TCN2: variants seen among roughly 807,000 people sequenced by gnomAD.
TCN2 encodes transcobalamin-2.
A neutral mutation model predicts 48.6 loss-of-function variants in TCN2; 34 were observed. The ratio of observed to expected loss-of-function variants is 0.70; its 90% CI spans 0.53 to 0.93. TCN2 has a LOEUF of 0.93. Among genes scored for constraint, TCN2 ranks in the 40% least tolerant of loss-of-function variants. The pLI is 0.00. For synonymous variants in TCN2, 283 were observed against 212.5 expected, an observed-to-expected ratio of 1.33 and a Z score of -2.89; for missense variants, 652 against 526.1, an observed-to-expected ratio of 1.24 and a Z score of -2.34.
chr22:30,623,925 T>TGTATACATATATACACACACACATAC, intron 8 of TCN2, among the ~76,000 whole-genome samples: 1 of 39,912 alleles, frequency 2.5e-5, no homozygotes, highest in Non-Finnish European at 4.5e-5. Context: ...CACATATATA[T>TGTATACATATATACACACACACATAC]GTATACATAT....
At chr22:30,614,321 G>T (rs752214308) in intron 3 of TCN2, 28 bp from the exon 4 acceptor site, 4 of 1,612,786 alleles carry the variant, frequency 2.5e-6, no homozygotes, top group Non-Finnish European at 3.4e-6. Flanking sequence ...GGGCAGAGAG[G>T]CAACCCCTCT....
intron 8 of TCN2, among the ~76,000 whole-genome samples, chr22:30,623,802 A>ATATATG (rs1555896214): frequency 8.9e-4 from 1 of 1,128 alleles, no homozygotes. Flanking sequence ...ATATACACAC[A>ATATATG]TACACATATA....
At chr22:30,615,824 A>T in intron 6 of TCN2, 37 bp downstream of exon 6, 1 of 1,611,964 alleles carries the variant, frequency 6.2e-7, no homozygotes, top group African/African-American at 1.3e-5. Flanking sequence ...GCCCTTTACA[A>T]TCTGCTGCGC....
At chr22:30,617,545 A>T (rs1417013803) in intron 7 of TCN2, 50 bp downstream of exon 7, 1 of 1,612,678 alleles carries the variant, frequency 6.2e-7, no homozygotes, top group Non-Finnish European at 8.5e-7. Context: ...CACATGCCTG[A>T]TAACAGGGTC....
chr22:30,619,360 G>A (rs1234792828), intron 7 of TCN2, among the ~76,000 whole-genome samples: 3 of 152,236 alleles, frequency 2.0e-5, no homozygotes, highest in Non-Finnish European at 2.9e-5. Flanking sequence ...GATAACAGGC[G>A]TGAGCCGCCG....
chr22:30,616,572 A>G (rs373808770), intron 6 of TCN2, among the ~76,000 whole-genome samples: 2 of 151,850 alleles, frequency 1.3e-5, no homozygotes, highest in African/African-American at 2.4e-5. Flanking sequence ...AAGCTGAGGC[A>G]GATGGATTGC....
chr22:30,617,518 C>A, intron 7 of TCN2, 23 bp downstream of exon 7: 1 of 1,613,928 alleles, frequency 6.2e-7, no homozygotes, highest in Non-Finnish European at 8.5e-7. Context: ...CCTCCCAGTC[C>A]TCACCCCACC....
chr22:30,622,781 C>T (rs1191246015), intron 7 of TCN2, among the ~76,000 whole-genome samples, 187 bp from the exon 8 acceptor site: 5 of 152,118 alleles, frequency 3.3e-5, no homozygotes, highest in Non-Finnish European at 5.9e-5. Context: ...CAGGCAGGAT[C>T]GGGGGTCTGG....
In TCN2 at chr22:30,626,875, C is replaced by G; in HGVS notation, c.*354C>G. ...GCAGGTGTTGTGAAGACCACTCGTT[C>G]TGTGGTTGGGGTCCTGCAAGAAGGC... On this transcript the variant is annotated 3_prime_UTR_variant, in exon 9 of 9. Transcript: ENST00000215838. 2 of 391,178 alleles carry G rather than the reference C, an allele frequency of 5.1e-6. No homozygotes were observed. The highest frequency in any genetic ancestry group is 9.7e-6 in the Non-Finnish European group (2 of 205,170). 24.2% of individuals were successfully genotyped at this position (391,178 alleles called of 1,614,324 possible).
chr22:30,623,857 C>CGTATAT (rs1602056787), intron 8 of TCN2, among the ~76,000 whole-genome samples: 1 of 24,072 alleles, frequency 4.2e-5, no homozygotes. Flanking sequence ...CATACACATA[C>CGTATAT]ATACACACAT....
At chr22:30,607,600 C>T (rs566003999) in intron 1 of TCN2, among the ~76,000 whole-genome samples, 2 of 152,308 alleles carry the variant, frequency 1.3e-5, no homozygotes, top group East Asian at 1.9e-4. Context: ...TTCAGTCATT[C>T]GTTCACACAT....
At chr22:30,607,828 G>A (rs2087475622) in intron 1 of TCN2, among the ~76,000 whole-genome samples, 1 of 152,024 alleles carries the variant, frequency 6.6e-6, no homozygotes, top group South Asian at 2.1e-4. Flanking sequence ...ACAGTTCAAG[G>A]TCAGCCTGGG....
chr22:30,610,989 C>T lies in TCN2; in HGVS notation c.183C>T (p.Ser61=). The T allele has an allele frequency of 2.5e-6, 4 of 1,614,210 alleles. No individual in the cohort carries two copies. Among genetic ancestry groups the T allele is most frequent in the Admixed American group, 1.7e-5 (1 of 60,026 alleles). Residue 61 remains serine (S), a synonymous_variant, in exon 2 of 9, where the codon TCC becomes TCT. Coordinates refer to ENST00000215838, the MANE Select transcript of TCN2 (RefSeq NM_000355.4). The stretch of plus-strand genomic sequence containing the variant: ...GCATCTATGTGGGCCTACGCCTCTC[C>T]AGTCTGCAGGCTGGGACCAAGGAAG... The part of the protein sequence containing the change: ...NPSIYVGLRL[S]SLQAGTKEDL...
chr22:30,615,297 C>T lies in TCN2; in HGVS notation c.581-4C>T, dbSNP rs867249218. The T allele has an allele frequency of 6.2e-7, 1 of 1,614,202 alleles. No individual in the cohort carries two copies. The highest frequency in any genetic ancestry group is 8.5e-7 in the Non-Finnish European group (1 of 1,180,026). On this transcript the variant is annotated splice_region_variant and splice_polypyrimidine_tract_variant and intron_variant, in intron 4 of 8. Coordinates refer to ENST00000215838, the MANE Select transcript of TCN2 (RefSeq NM_000355.4). ...TCATTGCATGTTCTGTCCCCCACTT[C>T]AAGACACAGCAGCCATGGCAGGCTT...
At chr22:30,625,622 C>G (rs546944995) in intron 8 of TCN2, among the ~76,000 whole-genome samples, 2 of 152,136 alleles carry the variant, frequency 1.3e-5, no homozygotes, top group Admixed American at 1.3e-4. Context: ...GGCACAAAGC[C>G]CAGCTAATTT....
chr22:30,615,420 C>A lies in TCN2; in HGVS notation c.700C>A (p.Gln234Lys). 6.2e-7 allele frequency: 1 copy of A among 1,614,168 alleles called. No individual in the cohort carries two copies. The highest frequency in any genetic ancestry group is 8.5e-7 in the Non-Finnish European group (1 of 1,180,044). The change falls in exon 5 of 9, where the codon CAG (glutamine) becomes AAG (lysine). Residue 234 changes from glutamine (Q) to lysine (K), a missense_variant. Coordinates refer to ENST00000215838, the MANE Select transcript of TCN2 (RefSeq NM_000355.4). ...RTVREEILKA[Q>K]TPEGHFGNVY... ...AGTGCGAGAGGAGATCTTGAAGGCC[C>A]AGACCCCCGAGGGCCACTTTGGGAA...
In TCN2 at chr22:30,623,975, T is replaced by TATACACACATAC. The variant is rs1569047037; in HGVS notation, c.1222+895_1222+896insCACACATACATA. Among the ~76,000 whole-genome samples, 111 of 15,594 alleles carry TATACACACATAC rather than the reference T, an allele frequency of 7.1e-3. 31 individuals carry two copies. Among genetic ancestry groups the TATACACACATAC allele is most frequent in the Non-Finnish European group, 0.012 (78 of 6,294 alleles). 10.2% of individuals were successfully genotyped at this position (15,594 alleles called of 152,430 possible). A position where few individuals can be genotyped will look rare whatever the true frequency, so the allele number is the denominator to read the frequency against. ...ATGTATACATATATACACACACATA[T>TATACACACATAC]ATATGTATACATATATACACACATA... is the stretch of plus-strand genomic sequence containing the variant. On this transcript the variant is annotated intron_variant, in intron 8 of 8. Coordinates refer to ENST00000215838, the MANE Select transcript of TCN2 (RefSeq NM_000355.4).
intron 1 of TCN2, chr22:30,610,127 T>G: frequency 2.2e-6 from 1 of 457,198 alleles, no homozygotes; most frequent in Non-Finnish European, 4.5e-6. Context: ...TTGAGTATTT[T>G]CGTTGCACAG....
chr22:30,607,623 T>A (rs2087472891), intron 1 of TCN2, among the ~76,000 whole-genome samples: 1 of 152,192 alleles, frequency 6.6e-6, no homozygotes, highest in Non-Finnish European at 1.5e-5. Context: ...ATTCAGCGCA[T>A]ACTGAGCCTT....
Sources: allele counts gnomAD v4.1 joint callset (sites outside exome capture counted in the v4.1 genomes callset), GRCh38; gene constraint gnomAD v4.1.1; transcripts MANE v1.5; gene names NCBI Gene and HGNC (gene_info 2026-07-23, HGNC 2026-07-21).